The following POR variants were observed in gnomAD, a reference collection of about 807,000 sequenced individuals.
POR encodes NADPH--cytochrome P450 reductase.
POR carries 56 observed loss-of-function variants against 84.0 expected under a neutral mutation model. That is an observed-to-expected ratio of 0.67 (90% confidence interval 0.54 to 0.83). The LOEUF (loss-of-function observed/expected upper bound fraction) is 0.83. POR is among the 40% of genes least tolerant of loss of function. POR has a pLI of 0.00. For missense variants in POR, 938 were observed against 944.3 expected (o/e 0.99, Z 0.09); for synonymous variants, 414 against 400.5 (o/e 1.03, Z -0.40).
At chr7:75,982,384 C>T (rs1345001746) in intron 8 of POR, 62 bp downstream of exon 8, 3 of 1,360,408 alleles carry the variant, frequency 2.2e-6, no homozygotes, top group East Asian at 4.9e-5. Context: ...ACCCCAGGCT[C>T]AGTCTGCCGT....
At chr7:75,926,837 A>G (rs1391054471) in intron 1 of POR, among the ~76,000 whole-genome samples, 2 of 152,102 alleles carry the variant, frequency 1.3e-5, no homozygotes, top group African/African-American at 4.8e-5. Flanking sequence ...CATGTTATGC[A>G]AAGTCTGATG....
intron 1 of POR, among the ~76,000 whole-genome samples, chr7:75,929,619 C>T (rs116583412): frequency 1.7e-3 from 253 of 152,220 alleles, no homozygotes; most frequent in African/African-American, 5.8e-3. Context: ...ACGCAAGCAA[C>T]GCTGGGGAAG....
chr7:75,970,199 T>C (rs1554555939), intron 2 of POR, among the ~76,000 whole-genome samples: 1 of 152,078 alleles, frequency 6.6e-6, no homozygotes, highest in East Asian at 2.0e-4. Context: ...GGGGTCCCCT[T>C]ACTCAGGGTG....
chr7:75,979,171 CTT>C lies in POR; in HGVS notation c.238-274_238-273del, dbSNP rs1198153411. Reference sequence around the variant, plus strand: ...CGGATAGGGGCTATACATTTGGTTACTTTTTTTAACTTTGTTTTTTCCCCGTG... The same window carrying C: ...CGGATAGGGGCTATACATTTGGTTACTTTTTAACTTTGTTTTTTCCCCGTG... On this transcript the variant is annotated intron_variant, in intron 3 of 15. Coordinates refer to ENST00000461988, the MANE Select transcript of POR (RefSeq NM_000941.3). 2.6e-5 allele frequency among the ~76,000 whole-genome samples: 4 copies of C among 152,200 alleles called. No individual in the cohort carries two copies. In the East Asian group the frequency reaches 7.7e-4, roughly 29 times the overall value.
chr7:75,932,182 CTTT>C (rs67962805), intron 1 of POR, among the ~76,000 whole-genome samples: 3 of 143,060 alleles, frequency 2.1e-5, no homozygotes, highest in Admixed American at 7.0e-5. Flanking sequence ...TTCAGAAATT[CTTT>C]TTTTTTTTTT....
At chr7:75,969,809 G>A (rs781802114) in intron 2 of POR, among the ~76,000 whole-genome samples, 24 of 152,214 alleles carry the variant, frequency 1.6e-4, no homozygotes, top group East Asian at 5.8e-4. Context: ...GTCCTGTGCC[G>A]TGTGCTAGGC....
chr7:75,962,303 CT>C (rs1227610162), intron 2 of POR, among the ~76,000 whole-genome samples: 1 of 151,586 alleles, frequency 6.6e-6, no homozygotes, highest in Non-Finnish European at 1.5e-5. Context: ...CCCCTCCTCC[CT>C]TTTTTTTGAG....
intron 3 of POR, among the ~76,000 whole-genome samples, chr7:75,974,365 C>T (rs908428957): frequency 3.3e-5 from 5 of 151,900 alleles, no homozygotes; most frequent in Admixed American, 6.6e-5. Context: ...TCCCCACAGC[C>T]TTGCCAACAG....
intron 1 of POR, among the ~76,000 whole-genome samples, chr7:75,948,535 T>C (rs782022598): frequency 6.6e-6 from 1 of 152,132 alleles, no homozygotes; most frequent in Non-Finnish European, 1.5e-5. Context: ...TGAGTGCAGG[T>C]GTTAGAGACA....
chr7:75,968,916 G>A (rs1788312046), intron 2 of POR, among the ~76,000 whole-genome samples: 1 of 152,232 alleles, frequency 6.6e-6, no homozygotes, highest in African/African-American at 2.4e-5. Flanking sequence ...GGGCTTCTGG[G>A]ATGGGAGCCG....
At chr7:75,926,721 G>C (rs370864879) in intron 1 of POR, among the ~76,000 whole-genome samples, 8 of 152,154 alleles carry the variant, frequency 5.3e-5, no homozygotes, top group African/African-American at 1.9e-4. Context: ...TTGAACCCGG[G>C]GGGCAGAGGT....
At chr7:75,942,130 G>GC (rs1786949618) in intron 1 of POR, among the ~76,000 whole-genome samples, 4 of 152,174 alleles carry the variant, frequency 2.6e-5, no homozygotes, top group African/African-American at 9.7e-5. Context: ...TGGAGACTGA[G>GC]GTGGGAGGAT....
chr7:75,933,906 A>G (rs1285048988), intron 1 of POR, among the ~76,000 whole-genome samples: 1 of 148,148 alleles, frequency 6.8e-6, no homozygotes, highest in Non-Finnish European at 1.5e-5. Context: ...AGTTGCAGAT[A>G]TGACCAAGAT....
intron 1 of POR, among the ~76,000 whole-genome samples, chr7:75,922,200 G>A (rs1318856256): frequency 6.6e-6 from 1 of 152,096 alleles, no homozygotes; most frequent in Non-Finnish European, 1.5e-5. Flanking sequence ...CCAGGCATAA[G>A]GTAGGCACTT....
At chr7:75,958,332 G>C (rs1245601024) in intron 2 of POR, among the ~76,000 whole-genome samples, 1 of 151,934 alleles carries the variant, frequency 6.6e-6, no homozygotes, top group Admixed American at 6.6e-5. Flanking sequence ...TGCCCAGGCT[G>C]GTCTGAAACT....
chr7:75,918,527 G>A (rs1554548401), intron 1 of POR: 3 of 152,152 alleles, frequency 2.0e-5, no homozygotes, highest in Non-Finnish European at 1.5e-5. Flanking sequence ...CTCAGAACAT[G>A]TTAACCCTTT....
chr7:75,957,715 A>T (rs1330214643), intron 2 of POR, among the ~76,000 whole-genome samples: 1 of 152,194 alleles, frequency 6.6e-6, no homozygotes, highest in Admixed American at 6.5e-5. Flanking sequence ...CTTTGCCAGG[A>T]TGCTGAAATT....
intron 1 of POR, among the ~76,000 whole-genome samples, chr7:75,922,319 G>GTT (rs1223302280): frequency 1.3e-3 from 158 of 125,614 alleles, no homozygotes; most frequent in African/African-American, 1.9e-3. Flanking sequence ...CTGATCTGTA[G>GTT]TTTTTTTTTT....
At chr7:75,933,376 G>GTTTTTTTTGTTTTTTTT (rs1807510490) in intron 1 of POR, among the ~76,000 whole-genome samples, 1 of 92,086 alleles carries the variant, frequency 1.1e-5, no homozygotes, top group African/African-American at 3.2e-5. Context: ...ATAGGTCTTT[G>GTTTTTTTTGTTTTTTTT]TTTTTTTTTT....
Sources: gnomAD v4.1 joint callset for allele counts (sites outside exome capture counted in the v4.1 genomes callset) on GRCh38, gnomAD v4.1.1 for gene constraint, MANE v1.5 for transcripts, NCBI Gene and HGNC (gene_info 2026-07-23, HGNC 2026-07-21) for gene names.